XPO6: variants seen among roughly 807,000 people sequenced by gnomAD.
XPO6 encodes exportin 6, also known as exportin-6.
In XPO6, 3 loss-of-function variants were observed where a neutral mutation model predicts 130.0. The observed-to-expected ratio is 0.02, with a 90% confidence interval of 0.01 to 0.06. The LOEUF (loss-of-function observed/expected upper bound fraction) is 0.06, where lower values mean the gene tolerates loss of function less well. Ranked by LOEUF, XPO6 falls within the 10% of genes least tolerant of loss-of-function variation. XPO6 has a pLI of 1.00. For synonymous variants in XPO6, 524 were observed against 548.9 expected (o/e 0.95, Z 0.63); for missense variants, 970 against 1,393.0 (o/e 0.70, Z 4.83).
intron 15 of XPO6, among the ~76,000 whole-genome samples, chr16:28,113,937 A>AACAATACACTGTTT (rs2086991866): frequency 1.3e-5 from 2 of 152,206 alleles, no homozygotes; most frequent in Non-Finnish European, 2.9e-5. Context: ...TTGTTATTAA[A>AACAATACACTGTTT]ACAATACACT....
chr16:28,211,541 G>C lies in XPO6; in HGVS notation c.-173C>G, dbSNP rs781087143. 148 of 623,792 alleles carry C rather than the reference G, an allele frequency of 2.4e-4. 1 individual carries two copies. The highest frequency in any genetic ancestry group is 3.2e-4 in the Non-Finnish European group (134 of 418,946). 38.6% of individuals were successfully genotyped at this position (623,792 alleles called of 1,614,324 possible). ...CCCTCTAAAAAGGGCAGGGCCGCCC[G>C]GGTCGCCTCATCGGGGGACCCCGAG... On this transcript the variant is annotated 5_prime_UTR_variant, in exon 1 of 24. Transcript: ENST00000304658.
At chr16:28,130,283 C>T (rs975656648) in intron 12 of XPO6, among the ~76,000 whole-genome samples, 2 of 152,178 alleles carry the variant, frequency 1.3e-5, no homozygotes, top group Non-Finnish European at 2.9e-5. Context: ...TCGCGGCTGG[C>T]GCCCATTTAC....
chr16:28,132,468 T>C lies in XPO6; in HGVS notation c.1537-65A>G. The C allele has an allele frequency of 9.1e-7, 1 of 1,096,732 alleles. No individual in the cohort carries two copies. The highest frequency in any genetic ancestry group is 1.3e-6 in the Non-Finnish European group (1 of 741,210). The allele number at this position is 1,096,732 out of a possible 1,614,324, so 67.9% of individuals were successfully genotyped here. A position where few individuals can be genotyped will look rare whatever the true frequency, so the allele number is the denominator to read the frequency against. On this transcript the variant is annotated intron_variant, in intron 11 of 23. Coordinates refer to ENST00000304658, the MANE Select transcript of XPO6 (RefSeq NM_015171.4). This position sits in a 1 kb window ranked among gnomAD's most constrained non-coding sequence, Gnocchi z 4.0. ...ATAAATGCAAGTTTTAATAGCATTT[T>C]AACATTACAACATTAACACGTAACT...
intron 17 of XPO6, among the ~76,000 whole-genome samples, chr16:28,110,961 T>C (rs2086905759): frequency 6.6e-6 from 1 of 152,178 alleles, no homozygotes; most frequent in Non-Finnish European, 1.5e-5. Context: ...TATTTTAAAA[T>C]AGAAAAGGGA....
intron 12 of XPO6, among the ~76,000 whole-genome samples, chr16:28,130,992 TGA>T (rs1328255887): frequency 6.6e-6 from 1 of 152,178 alleles, no homozygotes; most frequent in Non-Finnish European, 1.5e-5. Context: ...CATTCTAATT[TGA>T]ATAGTGGTCC....
At chr16:28,201,826 G>T (rs1596975051) in intron 1 of XPO6, among the ~76,000 whole-genome samples, 1 of 152,310 alleles carries the variant, frequency 6.6e-6, no homozygotes, top group East Asian at 1.9e-4. Flanking sequence ...CTGCACTCCA[G>T]CCTGGGCGAC....
At chr16:28,157,785 T>C (rs968640523) in intron 6 of XPO6, among the ~76,000 whole-genome samples, 46 of 152,198 alleles carry the variant, frequency 3.0e-4, no homozygotes, top group African/African-American at 1.1e-3. Flanking sequence ...GTACAAGGAA[T>C]GGATGCAGGA....
Position 28,101,402 on chromosome 16 carries a change from C to A in XPO6, c.3276+56G>T. ...GTGCCCCCTCCTTGCTGCACAGGTGCCAGGCTTGCGTGCCCACTCTGCCCT... is the reference window on the plus strand; with the variant it reads ...GTGCCCCCTCCTTGCTGCACAGGTGACAGGCTTGCGTGCCCACTCTGCCCT... On this transcript the variant is annotated intron_variant, in intron 23 of 23. Coordinates refer to ENST00000304658, the MANE Select transcript of XPO6 (RefSeq NM_015171.4). This position sits in a 1 kb window ranked among gnomAD's most constrained non-coding sequence, Gnocchi z 5.4. 1 of 1,504,454 alleles carries A rather than the reference C, an allele frequency of 6.6e-7. No homozygotes were observed. Among genetic ancestry groups the A allele is most frequent in the Non-Finnish European group, 9.2e-7 (1 of 1,082,284 alleles). The allele number at this position is 1,504,454 out of a possible 1,614,324, so 93.2% of individuals were successfully genotyped here. A position where few individuals can be genotyped will look rare whatever the true frequency, so the allele number is the denominator to read the frequency against.
intron 15 of XPO6, among the ~76,000 whole-genome samples, chr16:28,115,132 C>T (rs1010942622): frequency 1.3e-5 from 2 of 152,172 alleles, no homozygotes; most frequent in Non-Finnish European, 2.9e-5. Context: ...TTCCAAACTC[C>T]CATTAATGCT....
At chr16:28,183,367 T>A (rs2043646753) in intron 1 of XPO6, 1 of 151,208 alleles carries the variant, frequency 6.6e-6, no homozygotes, top group South Asian at 2.1e-4. Flanking sequence ...TGCAGTCAGT[T>A]ACAGATCCAA....
intron 8 of XPO6, among the ~76,000 whole-genome samples, chr16:28,151,678 A>C (rs887739365): frequency 1.3e-5 from 2 of 152,052 alleles, no homozygotes; most frequent in African/African-American, 4.8e-5. Flanking sequence ...ATCTAACTAC[A>C]CCTAAGATTT....
chr16:28,210,826 T>C (rs1459673970), intron 1 of XPO6, among the ~76,000 whole-genome samples: 1 of 152,244 alleles, frequency 6.6e-6, no homozygotes, highest in African/African-American at 2.4e-5. Flanking sequence ...TTTCCTCATA[T>C]ATAAACCTAC....
intron 1 of XPO6, among the ~76,000 whole-genome samples, chr16:28,182,484 G>A (rs1174602076): frequency 6.6e-6 from 1 of 152,116 alleles, no homozygotes; most frequent in African/African-American, 2.4e-5. Flanking sequence ...CACCTGAACT[G>A]CGACACACTG....
At chr16:28,204,506 A>T (rs914102705) in intron 1 of XPO6, among the ~76,000 whole-genome samples, 1 of 151,996 alleles carries the variant, frequency 6.6e-6, no homozygotes, top group African/African-American at 2.4e-5. Flanking sequence ...AGACCGAGGG[A>T]GCTGCAGCAC....
intron 5 of XPO6, 40 bp downstream of exon 5, chr16:28,169,710 C>A (rs79611011): frequency 1.2e-6 from 2 of 1,604,428 alleles, no homozygotes; most frequent in Middle Eastern, 2.0e-4. Flanking sequence ...TGGGTGCCTG[C>A]GGGCAGGCCT....
chr16:28,207,579 G>A (rs1229354247), intron 1 of XPO6, among the ~76,000 whole-genome samples: 1 of 152,230 alleles, frequency 6.6e-6, no homozygotes, highest in Non-Finnish European at 1.5e-5. Flanking sequence ...AACAGGGATA[G>A]TGTAAACAAA....
At chr16:28,156,602 A>AAG in intron 6 of XPO6, 75 bp from the exon 7 acceptor site, 1 of 931,196 alleles carries the variant, frequency 1.1e-6, no homozygotes, top group Non-Finnish European at 1.6e-6. Context: ...TCTCCTTCAA[A>AAG]AAAATATATA....
Position 28,180,517 on chromosome 16 carries a change from T to C in XPO6, c.94+424A>G, listed in dbSNP as rs146584266. 1.5e-4 allele frequency among the ~76,000 whole-genome samples: 23 copies of C among 152,270 alleles called. No homozygotes were observed. In the East Asian group the frequency reaches 4.2e-3, roughly 28 times the overall value. On this transcript the variant is annotated intron_variant, in intron 2 of 23. Transcript: ENST00000304658. Reference sequence around the variant, plus strand: ...GCAAAACATGTTCATTTTGACACTTTCCTGAGTTGTTACTGTTTCTCTTTA... The same window carrying C: ...GCAAAACATGTTCATTTTGACACTTCCCTGAGTTGTTACTGTTTCTCTTTA...
chr16:28,176,156 A>G (rs1226375268), intron 3 of XPO6, 61 bp from the exon 4 acceptor site: 52 of 1,505,956 alleles, frequency 3.5e-5, no homozygotes, highest in Non-Finnish European at 4.7e-5. Flanking sequence ...ACTGCTTTTC[A>G]TCCCACAGGT....
Sources: gnomAD v4.1 joint callset for allele counts (sites outside exome capture counted in the v4.1 genomes callset) on GRCh38, gnomAD v4.1.1 for gene constraint, Gnocchi (gnomAD v3.1) non-coding constraint, MANE v1.5 for transcripts, NCBI Gene and HGNC (gene_info 2026-07-23, HGNC 2026-07-21) for gene names.